Variants in SYT16 observed in about 807,000 individuals in gnomAD.
SYT16 encodes synaptotagmin-16.
SYT16 carries 42 observed loss-of-function variants against 61.4 expected under a neutral mutation model. The ratio of observed to expected loss-of-function variants is 0.68; its 90% CI spans 0.53 to 0.89. SYT16 has a LOEUF of 0.89. Among genes scored for constraint, SYT16 ranks in the 40% least tolerant of loss-of-function variants. The pLI, the probability that SYT16 is intolerant of heterozygous loss-of-function variation, is 0.00. For missense variants in SYT16, 804 were observed against 807.3 expected, an observed-to-expected ratio of 1.00 and a Z score of 0.05; for synonymous variants, 314 against 302.3, an observed-to-expected ratio of 1.04 and a Z score of -0.40.
intron 1 of SYT16, among the ~76,000 whole-genome samples, chr14:61,925,222 C>T (rs921439581): frequency 2.0e-5 from 3 of 152,152 alleles, no homozygotes; most frequent in African/African-American, 7.2e-5. Flanking sequence ...TTTTTCAATT[C>T]TCTTCCTTCC....
intron 1 of SYT16, among the ~76,000 whole-genome samples, chr14:61,947,501 T>C (rs146251355): frequency 3.3e-5 from 5 of 152,302 alleles, no homozygotes; most frequent in South Asian, 4.1e-4. Context: ...ACACTACTTA[T>C]GGGATTAATT....
chr14:62,098,806 A>G (rs756392456), intron 7 of SYT16, among the ~76,000 whole-genome samples: 1 of 152,188 alleles, frequency 6.6e-6, no homozygotes, highest in African/African-American at 2.4e-5. Context: ...ACAGGCTAAA[A>G]CTAGGTTTTA....
At chr14:61,992,982 G>A (rs2052617504) in intron 2 of SYT16, among the ~76,000 whole-genome samples, 1 of 147,084 alleles carries the variant, frequency 6.8e-6, no homozygotes, top group Non-Finnish European at 1.5e-5. Context: ...TACAAAATTT[G>A]CCATTTTGAT....
intron 1 of SYT16, among the ~76,000 whole-genome samples, chr14:61,930,487 C>T (rs1040452549): frequency 2.6e-5 from 4 of 152,074 alleles, no homozygotes; most frequent in Non-Finnish European, 1.5e-5. Context: ...TCTGTTGGAA[C>T]TGCCTTCTCC....
At chr14:62,039,793 G>T (rs1489031743) in intron 3 of SYT16, among the ~76,000 whole-genome samples, 15 of 150,030 alleles carry the variant, frequency 1.0e-4, no homozygotes, top group Non-Finnish European at 1.5e-5. Flanking sequence ...GAATACATCT[G>T]GGCTCAAGTG....
At chr14:62,087,007 G>T (rs2056907983) in intron 7 of SYT16, among the ~76,000 whole-genome samples, 1 of 152,328 alleles carries the variant, frequency 6.6e-6, no homozygotes, top group East Asian at 1.9e-4. Context: ...AGGTTCCTTT[G>T]TGGAGCTTCT....
At chr14:61,940,609 T>C (rs1020946949) in intron 1 of SYT16, among the ~76,000 whole-genome samples, 1 of 152,202 alleles carries the variant, frequency 6.6e-6, no homozygotes, top group African/African-American at 2.4e-5. Flanking sequence ...TTAGGACCCC[T>C]GTCAGATTTA....
intron 1 of SYT16, among the ~76,000 whole-genome samples, chr14:61,839,902 G>T (rs1185088574): frequency 6.6e-6 from 1 of 151,364 alleles, no homozygotes; most frequent in Non-Finnish European, 1.5e-5. Flanking sequence ...GGGGGAGGGA[G>T]GAGGGAAAGA....
intron 2 of SYT16, among the ~76,000 whole-genome samples, chr14:61,980,892 C>T (rs2052040673): frequency 3.3e-5 from 5 of 152,030 alleles, no homozygotes; most frequent in Non-Finnish European, 7.4e-5. Flanking sequence ...TCTGTAATGG[C>T]TATAGGGAGC....
intron 1 of SYT16, among the ~76,000 whole-genome samples, chr14:61,902,441 C>T (rs1354979205): frequency 6.6e-6 from 1 of 152,214 alleles, no homozygotes; most frequent in Non-Finnish European, 1.5e-5. Flanking sequence ...ATTTCTTCCT[C>T]TGTGTTCCCA....
At chr14:61,851,234 A>G (rs962015818) in intron 1 of SYT16, among the ~76,000 whole-genome samples, 4 of 152,218 alleles carry the variant, frequency 2.6e-5, no homozygotes, top group African/African-American at 9.6e-5. Context: ...TGCAAAGGAT[A>G]TGATCTTGCT....
At chr14:62,058,220 C>T (rs188319756) in intron 3 of SYT16, among the ~76,000 whole-genome samples, 1 of 152,046 alleles carries the variant, frequency 6.6e-6, no homozygotes, top group East Asian at 1.9e-4. Context: ...GACTATTACA[C>T]ATGAAGCTTC....
At chr14:62,019,715 T>A (rs185819212) in intron 3 of SYT16, among the ~76,000 whole-genome samples, 1 of 152,240 alleles carries the variant, frequency 6.6e-6, no homozygotes, top group African/African-American at 2.4e-5. Context: ...GCTAGCCAGC[T>A]ATATTATCAG....
chr14:62,071,496 T>C (rs570795982), intron 4 of SYT16, among the ~76,000 whole-genome samples: 2 of 152,324 alleles, frequency 1.3e-5, no homozygotes, highest in African/African-American at 2.4e-5. Flanking sequence ...AAAAATCTAC[T>C]ACATTGAATG....
rs1454122026 is a variant in SYT16, at chr14:62,103,011, C to T, written c.*2304C>T. 2.6e-5 allele frequency: 4 copies of T among 152,180 alleles called. No individual in the cohort carries two copies. Among genetic ancestry groups the T allele is most frequent in the Admixed American group, 1.3e-4 (2 of 15,276 alleles). 9.4% of individuals were successfully genotyped at this position (152,180 alleles called of 1,614,324 possible). A position where few individuals can be genotyped will look rare whatever the true frequency, so the allele number is the denominator to read the frequency against. On this transcript the variant is annotated 3_prime_UTR_variant, in exon 8 of 8. Transcript: ENST00000683842. ...TTTTTATAATTTTACTATGTTGGTG[C>T]TACTCACCAAATAGGATGCATGTAC...
chr14:62,031,482 G>C (rs1289464132), intron 3 of SYT16, among the ~76,000 whole-genome samples: 1 of 152,124 alleles, frequency 6.6e-6, no homozygotes, highest in East Asian at 1.9e-4. Context: ...TGAACTTTCG[G>C]GCATCTTTTC....
At chr14:62,046,177 T>C (rs1179576645) in intron 3 of SYT16, among the ~76,000 whole-genome samples, 1 of 152,176 alleles carries the variant, frequency 6.6e-6, no homozygotes, top group Non-Finnish European at 1.5e-5. Context: ...CATTGTGGTT[T>C]TGATTTGCAT....
At chr14:62,017,092 T>A (rs1298666686) in intron 3 of SYT16, among the ~76,000 whole-genome samples, 1 of 152,248 alleles carries the variant, frequency 6.6e-6, no homozygotes, top group African/African-American at 2.4e-5. Flanking sequence ...CATGCTCTTT[T>A]GGGTTGCTCT....
chr14:62,056,205 GC>G (rs1431409153), intron 3 of SYT16, among the ~76,000 whole-genome samples: 1 of 152,152 alleles, frequency 6.6e-6, no homozygotes, highest in African/African-American at 2.4e-5. Context: ...GAAACACAAA[GC>G]TACAGTGAAA....
Sources: gnomAD v4.1 joint callset for allele counts (sites outside exome capture counted in the v4.1 genomes callset) on GRCh38, gnomAD v4.1.1 for gene constraint, MANE v1.5 for transcripts, NCBI Gene and HGNC (gene_info 2026-07-23, HGNC 2026-07-21) for gene names.